The following ULK4 variants were observed in gnomAD, a reference collection of about 807,000 sequenced individuals.
ULK4 encodes inactive serine/threonine-protein kinase ULK4.
ULK4 carries 133 observed loss-of-function variants against 160.6 expected under a neutral mutation model. The observed-to-expected ratio is 0.83, with a 90% CI of 0.72 to 0.96. ULK4 has a LOEUF of 0.96. Ranked by LOEUF, ULK4 falls within the 40% of genes least tolerant of loss-of-function variation. The pLI, the probability that ULK4 is intolerant of heterozygous loss-of-function variation, is 0.00. For missense variants in ULK4, 1,580 were observed against 1,499.5 expected, an observed-to-expected ratio of 1.05 and a Z score of -0.89; for synonymous variants, 534 against 539.8, an observed-to-expected ratio of 0.99 and a Z score of 0.15.
chr3:41,742,966 G>T (rs954802286), intron 22 of ULK4, among the ~76,000 whole-genome samples: 1 of 151,760 alleles, frequency 6.6e-6, no homozygotes, highest in Admixed American at 6.6e-5. Flanking sequence ...GAGTCTCAGG[G>T]ATCAGTAGGA....
chr3:41,804,514 T>C (rs963477933), intron 19 of ULK4, among the ~76,000 whole-genome samples: 2 of 150,958 alleles, frequency 1.3e-5, no homozygotes, highest in African/African-American at 4.9e-5. Context: ...ATTTTGTCTT[T>C]TGTTGCCATT....
chr3:41,524,229 A>G (rs185045694), intron 32 of ULK4, among the ~76,000 whole-genome samples: 66 of 152,344 alleles, frequency 4.3e-4, no homozygotes, highest in African/African-American at 1.5e-3. Context: ...ACTGAATTAT[A>G]CACTCTAAAT....
chr3:41,659,321 T>C (rs2035061105), intron 30 of ULK4, among the ~76,000 whole-genome samples: 1 of 152,154 alleles, frequency 6.6e-6, no homozygotes, highest in Non-Finnish European at 1.5e-5. Flanking sequence ...CCAGACTTTG[T>C]TAAAAGTAAA....
intron 32 of ULK4, among the ~76,000 whole-genome samples, chr3:41,469,602 C>CAAAAAAAAAAAAAAAAAAAAA (rs71616008): frequency 1.5e-3 from 17 of 11,314 alleles, no homozygotes; most frequent in African/African-American, 1.9e-3. Context: ...CTACACCTGC[C>CAAAAAAAAAAAAAAAAAAAAA]AAAAAAAAAA....
Position 41,300,858 on chromosome 3 carries a change from T to C in ULK4, c.3679-51284A>G, listed in dbSNP as rs1276551503. On this transcript the variant is annotated intron_variant, in intron 35 of 36. Coordinates refer to ENST00000301831, the MANE Select transcript of ULK4 (RefSeq NM_017886.4). ...CAGATTATATATATATATATATATATATATATATATATATATATATATATA... is the reference window on the plus strand; with the variant it reads ...CAGATTATATATATATATATATATACATATATATATATATATATATATATA... 5.0e-5 allele frequency among the ~76,000 whole-genome samples: 5 copies of C among 99,808 alleles called. 1 individual carries two copies. Among genetic ancestry groups the C allele is most frequent in the African/African-American group, 2.6e-4 (5 of 19,014 alleles). The allele number at this position is 99,808 out of a possible 152,430, so 65.5% of individuals were successfully genotyped here.
intron 17 of ULK4, among the ~76,000 whole-genome samples, chr3:41,841,304 C>T (rs2041920001): frequency 7.6e-6 from 1 of 131,128 alleles, no homozygotes; most frequent in Admixed American, 7.8e-5. Context: ...GCGCCTCTGC[C>T]CGGCCGCCCC....
intron 30 of ULK4, among the ~76,000 whole-genome samples, chr3:41,625,456 G>T (rs577201119): frequency 6.6e-6 from 1 of 152,014 alleles, no homozygotes; most frequent in Non-Finnish European, 1.5e-5. Flanking sequence ...AAACCCCAAC[G>T]CACTCTGAAT....
chr3:41,630,396 G>A (rs991490723), intron 30 of ULK4, among the ~76,000 whole-genome samples: 5 of 152,078 alleles, frequency 3.3e-5, no homozygotes, highest in Admixed American at 6.6e-5. Flanking sequence ...CTCTCAGCTC[G>A]TAGAGCCACA....
rs530521751 is a variant in ULK4, at chr3:41,776,476, T to C, written c.2193+13185A>G. Among the ~76,000 whole-genome samples the C allele has an allele frequency of 2.0e-5, 3 of 150,938 alleles. 1 individual carries two copies. Among genetic ancestry groups the C allele is most frequent in the African/African-American group, 7.5e-5 (3 of 40,266 alleles). ...AATGTCAACAAAAAAACTAATTGAA[T>C]AAAAATGTGGTACAGTCACACTACA... is the stretch of plus-strand genomic sequence containing the variant. On this transcript the variant is annotated intron_variant, in intron 21 of 36. Transcript: ENST00000301831.
chr3:41,607,043 C>T (rs1022358457), intron 31 of ULK4, among the ~76,000 whole-genome samples: 1 of 152,000 alleles, frequency 6.6e-6, no homozygotes, highest in Non-Finnish European at 1.5e-5. Flanking sequence ...TGTCCTGAAG[C>T]ATTTCTCTTA....
chr3:41,367,435 G>C (rs1288910105), intron 35 of ULK4, among the ~76,000 whole-genome samples: 1 of 152,226 alleles, frequency 6.6e-6, no homozygotes, highest in Non-Finnish European at 1.5e-5. Context: ...TGGGGGACCA[G>C]GACAACCCAG....
intron 21 of ULK4, among the ~76,000 whole-genome samples, chr3:41,761,000 T>C (rs1471106683): frequency 1.3e-4 from 20 of 152,222 alleles, no homozygotes; most frequent in Admixed American, 1.1e-3. Flanking sequence ...CTGCAAAGAT[T>C]ATATGCAGTA....
intron 35 of ULK4, among the ~76,000 whole-genome samples, chr3:41,268,937 C>T (rs1229413560): frequency 6.6e-6 from 1 of 151,990 alleles, no homozygotes; most frequent in Non-Finnish European, 1.5e-5. Context: ...CCTTCAGATG[C>T]AGCTCGCGAA....
intron 21 of ULK4, among the ~76,000 whole-genome samples, chr3:41,759,440 C>T (rs113925839): frequency 0.04 from 6,149 of 152,190 alleles, 380 homozygotes; most frequent in African/African-American, 0.14. Flanking sequence ...AAAACATCTA[C>T]AGAATCTGTA....
chr3:41,430,471 A>C (rs2082879485), intron 34 of ULK4, among the ~76,000 whole-genome samples: 1 of 152,290 alleles, frequency 6.6e-6, no homozygotes, highest in East Asian at 1.9e-4. Context: ...CATGATCTGC[A>C]AGGCGCCACA....
At chr3:41,738,319 T>C (rs140439263) in intron 22 of ULK4, among the ~76,000 whole-genome samples, 7 of 152,008 alleles carry the variant, frequency 4.6e-5, no homozygotes, top group Admixed American at 2.0e-4. Flanking sequence ...TTGGGTGCTA[T>C]TGACTTGGCA....
At chr3:41,685,778 A>ATT (rs1202850769) in intron 27 of ULK4, among the ~76,000 whole-genome samples, 1 of 146,044 alleles carries the variant, frequency 6.8e-6, no homozygotes, top group Non-Finnish European at 1.5e-5. Flanking sequence ...CTGTCTGGGA[A>ATT]TTCTCTCTCT....
At chr3:41,275,220 GGATCCTCTGGATCAGT>G (rs1469010125) in intron 35 of ULK4, among the ~76,000 whole-genome samples, 2 of 152,156 alleles carry the variant, frequency 1.3e-5, no homozygotes, top group African/African-American at 4.8e-5. Flanking sequence ...TGGGCTTTGG[GGATCCTCTGGATCAGT>G]GATCCATTAC....
chr3:41,877,794 C>G lies in ULK4; in HGVS notation c.1656+6080G>C, dbSNP rs191792681. Among the ~76,000 whole-genome samples, 57 of 151,790 alleles carry G rather than the reference C, an allele frequency of 3.8e-4. 1 individual carries two copies. The highest frequency in any genetic ancestry group is 1.2e-3 in the African/African-American group (49 of 41,412). On this transcript the variant is annotated intron_variant, in intron 17 of 36. Transcript: ENST00000301831. ...GTCAGGAGTTTGAGACCAGCCTGGC[C>G]AACATGGTGAAACCCCATCTCTACT...
Sources: allele counts gnomAD v4.1 joint callset (sites outside exome capture counted in the v4.1 genomes callset), GRCh38; gene constraint gnomAD v4.1.1; transcripts MANE v1.5; gene names NCBI Gene and HGNC (gene_info 2026-07-23, HGNC 2026-07-21).